The following KCNAB1 variants were observed in gnomAD, a reference collection of about 807,000 sequenced individuals.
The protein encoded by KCNAB1 is potassium voltage-gated channel subfamily A regulatory beta subunit 1, also known as voltage-gated potassium channel subunit beta-1.
In KCNAB1, 35 loss-of-function variants were observed where a neutral mutation model predicts 64.6. That is an observed-to-expected ratio of 0.54 (90% CI 0.41 to 0.72). The LOEUF is 0.72. KCNAB1 is among the 30% of genes least tolerant of loss of function. KCNAB1 has a pLI of 0.00. For missense variants in KCNAB1, 401 were observed against 512.9 expected (o/e 0.78, Z 2.11); for synonymous variants, 177 against 183.8 (o/e 0.96, Z 0.30).
intron 7 of KCNAB1, among the ~76,000 whole-genome samples, chr3:156,469,248 C>CTTTTTTTTTTTTTTTT (rs34567814): frequency 8.6e-4 from 63 of 72,936 alleles, no homozygotes; most frequent in East Asian, 1.4e-3. Context: ...TTCTTTCTTT[C>CTTTTTTTTTTTTTTTT]TTTTTTTTTT....
intron 11 of KCNAB1, among the ~76,000 whole-genome samples, chr3:156,520,442 A>G (rs776054418): frequency 5.3e-5 from 8 of 152,110 alleles, no homozygotes; most frequent in Non-Finnish European, 8.8e-5. Context: ...TTAGCCAGGT[A>G]TCATGCTCAC....
intron 1 of KCNAB1, among the ~76,000 whole-genome samples, chr3:156,182,062 A>T (rs1371001015): frequency 6.6e-6 from 1 of 152,188 alleles, no homozygotes; most frequent in Non-Finnish European, 1.5e-5. Flanking sequence ...GTATTATTCA[A>T]AATGTTTATC....
intron 2 of KCNAB1, among the ~76,000 whole-genome samples, chr3:156,451,633 A>G (rs11922769): frequency 0.15 from 23,346 of 152,050 alleles, 3,130 homozygotes; most frequent in African/African-American, 0.36. Context: ...CAAAATATGC[A>G]TTTTCGACCA....
At chr3:156,512,718 C>T (rs1314175811) in intron 8 of KCNAB1, among the ~76,000 whole-genome samples, 1 of 152,234 alleles carries the variant, frequency 6.6e-6, no homozygotes, top group Non-Finnish European at 1.5e-5. Flanking sequence ...CGGTTCCTTA[C>T]ACTTTTTTAA....
At chr3:156,408,794 T>A (rs1008931957) in intron 1 of KCNAB1, among the ~76,000 whole-genome samples, 100 of 150,670 alleles carry the variant, frequency 6.6e-4, no homozygotes, top group Non-Finnish European at 1.1e-3. Context: ...AAAAAAAAAA[T>A]AAAATAAAAT....
chr3:156,497,855 T>G (rs1008429656), intron 8 of KCNAB1, among the ~76,000 whole-genome samples: 13 of 152,206 alleles, frequency 8.5e-5, no homozygotes, highest in African/African-American at 3.1e-4. Context: ...TTTCTTCAAA[T>G]GATATAGATA....
At chr3:156,178,857 C>T (rs1303130857) in intron 1 of KCNAB1, among the ~76,000 whole-genome samples, 2 of 151,738 alleles carry the variant, frequency 1.3e-5, no homozygotes, top group Non-Finnish European at 2.9e-5. Context: ...AAAAATTAGC[C>T]GGGCGTGTTG....
At chr3:156,308,301 G>T (rs9848508) in intron 1 of KCNAB1, among the ~76,000 whole-genome samples, 9,105 of 152,176 alleles carry the variant, frequency 0.06, 881 homozygotes, top group African/African-American at 0.21. Flanking sequence ...GGGCCCTGTG[G>T]GCCATGGTGA....
intron 1 of KCNAB1, among the ~76,000 whole-genome samples, chr3:156,359,140 A>T (rs183733124): frequency 1.3e-5 from 2 of 152,318 alleles, no homozygotes; most frequent in Non-Finnish European, 2.9e-5. Flanking sequence ...CTTCTTTCAA[A>T]ATCATACTGT....
intron 1 of KCNAB1, among the ~76,000 whole-genome samples, chr3:156,391,411 A>G (rs1713029922): frequency 6.6e-6 from 1 of 152,170 alleles, no homozygotes; most frequent in Non-Finnish European, 1.5e-5. Context: ...CCTTTTGTTT[A>G]TGGTCCTTTC....
chr3:156,468,575 A>G (rs556618297), intron 7 of KCNAB1, among the ~76,000 whole-genome samples: 212 of 152,274 alleles, frequency 1.4e-3, no homozygotes, highest in South Asian at 2.5e-3. Context: ...CTCCTTAACT[A>G]TAGACTATAA....
At chr3:156,150,814 GA>G (rs201473132) in intron 1 of KCNAB1, among the ~76,000 whole-genome samples, 2,643 of 152,134 alleles carry the variant, frequency 0.017, 47 homozygotes, top group South Asian at 0.032. Context: ...TATATAGTGA[GA>G]AAAAAATTAA....
Position 156,537,298 on chromosome 3 carries a change from T to G in KCNAB1, c.*551T>G, listed in dbSNP as rs907060. The G allele has an allele frequency of 0.84, 311,462 of 368,714 alleles. 132,227 individuals carry two copies. Among genetic ancestry groups the G allele is most frequent in the East Asian group, 0.98 (25,044 of 25,442 alleles). The allele number at this position is 368,714 out of a possible 1,614,324, so 22.8% of individuals were successfully genotyped here. On this transcript the variant is annotated 3_prime_UTR_variant, in exon 14 of 14. Transcript: ENST00000490337. ...TCTTGCTTGGAAGAATAAGCAGAAATAATTTTATATATTTTTTTTCTATTT... is the reference window on the plus strand; with the variant it reads ...TCTTGCTTGGAAGAATAAGCAGAAAGAATTTTATATATTTTTTTTCTATTT...
At chr3:156,203,771 A>T (rs1180735055) in intron 1 of KCNAB1, among the ~76,000 whole-genome samples, 1 of 152,210 alleles carries the variant, frequency 6.6e-6, no homozygotes, top group Non-Finnish European at 1.5e-5. Context: ...TATTTTTTCC[A>T]ATCCAGATTC....
chr3:156,367,977 GTA>G (rs1287401810), intron 1 of KCNAB1, among the ~76,000 whole-genome samples: 4 of 152,110 alleles, frequency 2.6e-5, no homozygotes, highest in African/African-American at 9.7e-5. Context: ...GGTTTTGTTT[GTA>G]TATATGTTTG....
chr3:156,410,299 T>C (rs1327572347), intron 1 of KCNAB1, among the ~76,000 whole-genome samples: 1 of 152,226 alleles, frequency 6.6e-6, no homozygotes, highest in Non-Finnish European at 1.5e-5. Flanking sequence ...GTACCGTGTT[T>C]GTGTATAGTT....
chr3:156,213,365 G>A (rs1715133562), intron 1 of KCNAB1, among the ~76,000 whole-genome samples: 1 of 152,138 alleles, frequency 6.6e-6, no homozygotes, highest in Non-Finnish European at 1.5e-5. Context: ...CTAAAGGCAT[G>A]CATCACTATG....
chr3:156,230,042 T>G (rs1174785825), intron 1 of KCNAB1, among the ~76,000 whole-genome samples: 1 of 152,192 alleles, frequency 6.6e-6, no homozygotes, highest in East Asian at 1.9e-4. Context: ...ACAGGCTTAT[T>G]CTTTATTATA....
Position 156,177,594 on chromosome 3 carries a change from G to C in KCNAB1, c.275+56708G>C, listed in dbSNP as rs564465487. ...GGGTTTCACCGTGTTAGCCAGGATG[G>C]TCTCGATCTCCTGACCTCGTGATCC... On this transcript the variant is annotated intron_variant, in intron 1 of 13. Coordinates refer to ENST00000490337, the MANE Select transcript of KCNAB1 (RefSeq NM_172160.3). 2.6e-5 allele frequency among the ~76,000 whole-genome samples: 4 copies of C among 152,128 alleles called. No individual in the cohort carries two copies. The South Asian group carries it at 8.3e-4, about 32-fold the overall frequency.
Sources: allele counts gnomAD v4.1 joint callset (sites outside exome capture counted in the v4.1 genomes callset), GRCh38; gene constraint gnomAD v4.1.1; transcripts MANE v1.5; gene names NCBI Gene and HGNC (gene_info 2026-07-23, HGNC 2026-07-21).